The following SMURF1 variants were observed in gnomAD, a reference collection of about 807,000 sequenced individuals.
SMURF1 encodes E3 ubiquitin-protein ligase SMURF1.
A neutral mutation model predicts 98.0 loss-of-function variants in SMURF1; 44 were observed. That is an observed-to-expected ratio of 0.45 (90% CI 0.35 to 0.58). SMURF1 has a LOEUF of 0.58. Ranked by LOEUF, SMURF1 falls within the 20% of genes least tolerant of loss-of-function variation. SMURF1 has a pLI of 0.00. For synonymous variants in SMURF1, 396 were observed against 374.9 expected (o/e 1.06, Z -0.65); for missense variants, 687 against 938.4 (o/e 0.73, Z 3.50).
Position 99,061,096 on chromosome 7 carries a change from G to A in SMURF1, c.95-389C>T, listed in dbSNP as rs561358375. ...ATTCGGTAAGTCCCTAAATGCTAGA[G>A]AATGAATCAGAGAGGTTTATTAGAT... On this transcript the variant is annotated intron_variant, in intron 2 of 17. Transcript: ENST00000361368. 6.6e-5 allele frequency among the ~76,000 whole-genome samples: 10 copies of A among 152,318 alleles called. No homozygotes were observed. The East Asian group carries it at 1.9e-3, about 29-fold the overall frequency.
At chr7:99,076,357 G>A (rs1349771825) in intron 1 of SMURF1, among the ~76,000 whole-genome samples, 2 of 152,212 alleles carry the variant, frequency 1.3e-5, no homozygotes, top group African/African-American at 4.8e-5. Flanking sequence ...GACAAGTCAC[G>A]CTGATATTAA....
chr7:99,060,639 TCA>T lies in SMURF1; in HGVS notation c.161_162del (p.Val54GlufsTer13), dbSNP rs1268492129. ...GSGQCHSTDT[V>X]KNTLDPKWNQ... is the part of the protein sequence containing the mutation. ...TTCCACTTTGGGTCCAATGTGTTTT[TCA>T]CAGTGTCGGTTGAGTGGCACTGCCC... On this transcript the variant is annotated frameshift_variant, in exon 3 of 18. Transcript: ENST00000361368. LOFTEE classifies it high-confidence loss of function. 2 of 1,614,052 alleles carry T rather than the reference TCA, an allele frequency of 1.2e-6. No individual in the cohort carries two copies. Among genetic ancestry groups the T allele is most frequent in the Non-Finnish European group, 1.7e-6 (2 of 1,179,986 alleles).
At chr7:99,079,290 T>C (rs1427938306) in intron 1 of SMURF1, among the ~76,000 whole-genome samples, 1 of 152,182 alleles carries the variant, frequency 6.6e-6, no homozygotes, top group East Asian at 1.9e-4. Context: ...GAAGCCTGGC[T>C]CTGGGACACA....
At position 99,028,223 on chromosome 7, in the gene SMURF1, C is replaced by T. The variant is rs1299419474; in HGVS notation, c.*2361G>A. 1 of 152,560 alleles carries T rather than the reference C, an allele frequency of 6.6e-6. No homozygotes were observed. The highest frequency in any genetic ancestry group is 2.4e-5 in the African/African-American group (1 of 41,398). The allele number at this position is 152,560 out of a possible 1,614,324, so 9.5% of individuals were successfully genotyped here. ...ACAGTCGGGAAGCTTTTACCATTTGCTTTGCCATGTTGAGTTCTTTGGGGT... is the reference window on the plus strand; with the variant it reads ...ACAGTCGGGAAGCTTTTACCATTTGTTTTGCCATGTTGAGTTCTTTGGGGT... On this transcript the variant is annotated 3_prime_UTR_variant, in exon 18 of 18. Coordinates refer to ENST00000361368, the MANE Select transcript of SMURF1 (RefSeq NM_181349.3).
At chr7:99,061,912 C>T (rs899532937) in intron 1 of SMURF1, 75 bp from the exon 2 acceptor site, 22 of 1,090,574 alleles carry the variant, frequency 2.0e-5, no homozygotes, top group Admixed American at 1.2e-4. Context: ...TATTTACACC[C>T]GAACAAAAAG....
intron 1 of SMURF1, among the ~76,000 whole-genome samples, chr7:99,118,833 T>C (rs1379239542): frequency 6.6e-6 from 1 of 151,960 alleles, no homozygotes; most frequent in Non-Finnish European, 1.5e-5. Flanking sequence ...TATACTGATA[T>C]GGGAGGATCT....
chr7:99,063,307 AAAG>A (rs1796111081), intron 1 of SMURF1, among the ~76,000 whole-genome samples: 5 of 52,416 alleles, frequency 9.5e-5, no homozygotes, highest in African/African-American at 2.2e-4. Flanking sequence ...ATATATATAA[AAAG>A]AGACAGGGTC....
At chr7:99,086,278 G>A (rs563158010) in intron 1 of SMURF1, among the ~76,000 whole-genome samples, 9 of 151,936 alleles carry the variant, frequency 5.9e-5, no homozygotes, top group South Asian at 4.1e-4. Flanking sequence ...CCTGGGAGAC[G>A]GAAGTTTCAT....
rs760204594 is a variant in SMURF1 at position 99,060,586 on chromosome 7, A to T, written c.203+13T>A. On this transcript the variant is annotated intron_variant, in intron 3 of 17. Coordinates refer to ENST00000361368, the MANE Select transcript of SMURF1 (RefSeq NM_181349.3). ...TGCCGCTCCGCATGGGGCTTACAGA[A>T]CATTCAACTCACAGATCATAGTGCT... 12 of 1,603,538 alleles carry T rather than the reference A, an allele frequency of 7.5e-6. No individual in the cohort carries two copies. Among genetic ancestry groups the T allele is most frequent in the Non-Finnish European group, 9.4e-6 (11 of 1,170,836 alleles).
chr7:99,048,070 A>C, intron 9 of SMURF1, 188 bp from the exon 10 acceptor site: 3 of 605,648 alleles, frequency 5.0e-6, no homozygotes, highest in South Asian at 3.8e-5. Context: ...CATTAGCCTA[A>C]ATGTATGTCT....
intron 11 of SMURF1, among the ~76,000 whole-genome samples, chr7:99,045,013 C>CAG (rs1563002501): frequency 6.6e-6 from 1 of 152,086 alleles, no homozygotes; most frequent in Non-Finnish European, 1.5e-5. Flanking sequence ...GTGGCACACA[C>CAG]CTGTAGTTCC....
At chr7:99,134,964 C>T (rs190561487) in intron 1 of SMURF1, among the ~76,000 whole-genome samples, 61 of 152,210 alleles carry the variant, frequency 4.0e-4, no homozygotes, top group African/African-American at 1.1e-3. Flanking sequence ...AATAAACATA[C>T]TCTCTGGGAA....
chr7:99,093,945 C>A (rs1796885837), intron 1 of SMURF1, among the ~76,000 whole-genome samples: 1 of 152,040 alleles, frequency 6.6e-6, no homozygotes, highest in Non-Finnish European at 1.5e-5. Flanking sequence ...TAATGAAAGT[C>A]AGTCGTAGGT....
intron 16 of SMURF1, among the ~76,000 whole-genome samples, chr7:99,034,396 T>C (rs549535965): frequency 6.6e-6 from 1 of 152,172 alleles, no homozygotes; most frequent in African/African-American, 2.4e-5. Context: ...AGCAGGAAGG[T>C]TTAGCATGTG....
intron 11 of SMURF1, among the ~76,000 whole-genome samples, chr7:99,043,002 ATCCTAT>A (rs1795444780): frequency 6.6e-6 from 1 of 152,238 alleles, no homozygotes; most frequent in African/African-American, 2.4e-5. Flanking sequence ...GAGACTCCGA[ATCCTAT>A]AAAGTCTCTT....
At chr7:99,117,356 T>C (rs1797482165) in intron 1 of SMURF1, among the ~76,000 whole-genome samples, 1 of 152,056 alleles carries the variant, frequency 6.6e-6, no homozygotes, top group Non-Finnish European at 1.5e-5. Context: ...TTTGGTTTTG[T>C]TTTTGTTTTT....
At chr7:99,089,274 T>C (rs1476848333) in intron 1 of SMURF1, among the ~76,000 whole-genome samples, 3 of 151,936 alleles carry the variant, frequency 2.0e-5, no homozygotes, top group African/African-American at 7.3e-5. Context: ...CGTGTGTCAA[T>C]TGCATGCATG....
chr7:99,033,506 T>C (rs988688687), intron 16 of SMURF1, among the ~76,000 whole-genome samples: 1 of 152,202 alleles, frequency 6.6e-6, no homozygotes, highest in Non-Finnish European at 1.5e-5. Flanking sequence ...GGTTTTGCCA[T>C]GTTTCCCAGG....
At chr7:99,121,469 A>G (rs1325813410) in intron 1 of SMURF1, among the ~76,000 whole-genome samples, 3 of 152,180 alleles carry the variant, frequency 2.0e-5, no homozygotes, top group African/African-American at 7.2e-5. Context: ...AGCCATATCT[A>G]TAGACAGATT....
Sources: gnomAD v4.1 joint callset for allele counts (sites outside exome capture counted in the v4.1 genomes callset) on GRCh38, gnomAD v4.1.1 for gene constraint, MANE v1.5 for transcripts, NCBI Gene and HGNC (gene_info 2026-07-23, HGNC 2026-07-21) for gene names.